Variants in EXOC4 observed in about 807,000 individuals in gnomAD.
The protein encoded by EXOC4 is exocyst complex component 4, also known as SEC8-like 1.
EXOC4 carries 71 observed loss-of-function variants against 107.2 expected under a neutral mutation model. The ratio of observed to expected loss-of-function variants is 0.66; its 90% CI spans 0.55 to 0.81. The LOEUF (loss-of-function observed/expected upper bound fraction) is 0.81. Ranked by LOEUF, EXOC4 falls within the 30% of genes least tolerant of loss-of-function variation. The probability of loss-of-function intolerance (pLI) is 0.00; values close to 1 mark genes in which losing one functional copy is unlikely to be tolerated. For synonymous variants in EXOC4, 456 were observed against 441.2 expected (o/e 1.03, Z -0.42); for missense variants, 1,108 against 1,189.6 (o/e 0.93, Z 1.01).
intron 5 of EXOC4, among the ~76,000 whole-genome samples, chr7:133,325,057 T>G (rs1262695349): frequency 6.6e-6 from 1 of 152,212 alleles, no homozygotes; most frequent in Non-Finnish European, 1.5e-5. Context: ...GTTTTCCATT[T>G]GCTTGGTAGA....
At chr7:133,609,416 G>C (rs1037976480) in intron 9 of EXOC4, among the ~76,000 whole-genome samples, 11 of 152,178 alleles carry the variant, frequency 7.2e-5, no homozygotes, top group African/African-American at 2.4e-4. Context: ...ACTGCAGTGA[G>C]TTGGAAAATA....
intron 14 of EXOC4, among the ~76,000 whole-genome samples, chr7:133,961,044 G>T (rs764715537): frequency 5.9e-5 from 9 of 152,114 alleles, no homozygotes; most frequent in Non-Finnish European, 1.2e-4. Context: ...CTGAGAATAG[G>T]GAGGTTATCT....
chr7:133,571,322 G>A (rs537060403), intron 9 of EXOC4, among the ~76,000 whole-genome samples: 8 of 152,228 alleles, frequency 5.3e-5, no homozygotes, highest in Non-Finnish European at 1.0e-4. Context: ...ATGAAGAAAC[G>A]TGTCTTCACC....
intron 10 of EXOC4, chr7:133,768,233 G>C (rs2151159620): frequency 6.6e-6 from 1 of 152,096 alleles, no homozygotes; most frequent in East Asian, 1.9e-4. Context: ...AAATGAGGTA[G>C]AAGGAAAGAG....
Position 133,369,866 on chromosome 7 carries a change from G to GTGCAATTT in EXOC4, c.1008-4962_1008-4961insTGCAATTT, listed in dbSNP as rs112711342. Among the ~76,000 whole-genome samples, 12 of 144,490 alleles carry GTGCAATTT rather than the reference G, an allele frequency of 8.3e-5. No individual in the cohort carries two copies. In the South Asian group the frequency reaches 8.8e-4, roughly 11 times the overall value. 94.8% of individuals were successfully genotyped at this position (144,490 alleles called of 152,430 possible). On this transcript the variant is annotated intron_variant, in intron 6 of 17. Transcript: ENST00000253861. ...TTATTGCCCAGGCTGGAGTGCAATG[G>GTGCAATTT]CGCAATTTGGCTCACCCAACCTTTG...
chr7:133,731,959 G>A (rs748498615), intron 10 of EXOC4, among the ~76,000 whole-genome samples: 100 of 152,186 alleles, frequency 6.6e-4, no homozygotes, highest in African/African-American at 2.3e-3. Context: ...CCAAAGGAAC[G>A]TAAATCATTC....
chr7:133,585,065 C>A (rs1278282302), intron 9 of EXOC4, among the ~76,000 whole-genome samples: 2 of 152,194 alleles, frequency 1.3e-5, no homozygotes, highest in East Asian at 3.8e-4. Context: ...AGGCTTCTGT[C>A]ATTCTGTGAT....
At position 134,004,283 on chromosome 7, in the gene EXOC4, C is replaced by T. The variant is rs977092780; in HGVS notation, c.2349-629C>T. ...GATGACAGCCAGTACTTACTATGCACGCCATTTGTGCCAGACACTGCTATA... is the reference window on the plus strand; with the variant it reads ...GATGACAGCCAGTACTTACTATGCATGCCATTTGTGCCAGACACTGCTATA... On this transcript the variant is annotated intron_variant, in intron 15 of 17. Coordinates refer to ENST00000253861, the MANE Select transcript of EXOC4 (RefSeq NM_021807.4). Among the ~76,000 whole-genome samples the T allele has an allele frequency of 3.3e-5, 5 of 152,078 alleles. No individual in the cohort carries two copies. In the East Asian group the frequency reaches 5.8e-4, roughly 18 times the overall value.
intron 9 of EXOC4, among the ~76,000 whole-genome samples, chr7:133,625,952 A>G (rs1236021767): frequency 6.6e-6 from 1 of 152,180 alleles, no homozygotes; most frequent in Non-Finnish European, 1.5e-5. Flanking sequence ...CACAGCTGTA[A>G]TCCCAGCACT....
intron 13 of EXOC4, among the ~76,000 whole-genome samples, chr7:133,935,659 A>G (rs1393548134): frequency 6.6e-6 from 1 of 152,198 alleles, no homozygotes; most frequent in Non-Finnish European, 1.5e-5. Flanking sequence ...AAGAATAATA[A>G]CAACAATAGT....
intron 11 of EXOC4, among the ~76,000 whole-genome samples, chr7:133,829,224 C>T (rs1404159787): frequency 6.6e-6 from 1 of 152,118 alleles, no homozygotes; most frequent in Non-Finnish European, 1.5e-5. Context: ...ATAAGGTTAA[C>T]GGGGGCACAA....
At chr7:133,493,526 C>T (rs1799416257) in intron 9 of EXOC4, among the ~76,000 whole-genome samples, 1 of 152,152 alleles carries the variant, frequency 6.6e-6, no homozygotes, top group South Asian at 2.1e-4. Flanking sequence ...CCTGTAGCAC[C>T]TGGCATCATT....
chr7:133,784,894 T>C (rs1796537755), intron 10 of EXOC4, among the ~76,000 whole-genome samples: 2 of 152,214 alleles, frequency 1.3e-5, no homozygotes, highest in African/African-American at 4.8e-5. Flanking sequence ...CCAAATGCAA[T>C]TAACTGCTTG....
At chr7:133,326,781 G>C (rs1029540277) in intron 5 of EXOC4, among the ~76,000 whole-genome samples, 1 of 152,208 alleles carries the variant, frequency 6.6e-6, no homozygotes, top group African/African-American at 2.4e-5. Context: ...GCTGCCTTTC[G>C]TTCGGCTATG....
chr7:133,940,667 C>T, intron 14 of EXOC4, among the ~76,000 whole-genome samples: 1 of 152,144 alleles, frequency 6.6e-6, no homozygotes, highest in East Asian at 1.9e-4. Flanking sequence ...GAGAGATGCC[C>T]ATTGATGTTT....
intron 17 of EXOC4, among the ~76,000 whole-genome samples, chr7:134,043,663 C>A (rs752784076): frequency 6.6e-6 from 1 of 152,130 alleles, no homozygotes; most frequent in African/African-American, 2.4e-5. Context: ...CCAGCATCAC[C>A]GTAGACTCTG....
At chr7:133,558,676 G>A (rs970403374) in intron 9 of EXOC4, among the ~76,000 whole-genome samples, 13 of 150,856 alleles carry the variant, frequency 8.6e-5, no homozygotes, top group East Asian at 3.9e-4. Flanking sequence ...GTTTTTTTCC[G>A]TAGGCTGTGA....
chr7:133,479,088 C>G (rs115384226), intron 8 of EXOC4: 1 of 152,148 alleles, frequency 6.6e-6, no homozygotes, highest in Non-Finnish European at 1.5e-5. Context: ...CACTGTTGCT[C>G]GTACTATGTT....
At chr7:134,054,749 A>G (rs971752965) in intron 17 of EXOC4, among the ~76,000 whole-genome samples, 7 of 152,228 alleles carry the variant, frequency 4.6e-5, no homozygotes, top group African/African-American at 1.7e-4. Context: ...GCACTGCATC[A>G]AACGGTTCAC....
Sources: allele counts gnomAD v4.1 joint callset (sites outside exome capture counted in the v4.1 genomes callset), GRCh38; gene constraint gnomAD v4.1.1; transcripts MANE v1.5; gene names NCBI Gene and HGNC (gene_info 2026-07-23, HGNC 2026-07-21).